The following ZNF148 variants were observed in gnomAD, a reference collection of about 807,000 sequenced individuals.
ZNF148 encodes the protein Beta-Enolase Repressor Factor-1.
Under a neutral mutation model 67.7 loss-of-function variants are expected in ZNF148, and 7 were observed. The ratio of observed to expected loss-of-function variants is 0.10; its 90% CI spans 0.06 to 0.19. ZNF148 has a LOEUF of 0.19. Among genes scored for constraint, ZNF148 ranks in the 10% least tolerant of loss-of-function variants. The pLI is 1.00. For missense variants in ZNF148, 583 were observed against 947.1 expected (o/e 0.62, Z 5.05); for synonymous variants, 333 against 330.7 (o/e 1.01, Z -0.08).
chr3:125,248,854 A>G (rs945487778), intron 7 of ZNF148, among the ~76,000 whole-genome samples: 1 of 152,204 alleles, frequency 6.6e-6, no homozygotes, highest in Admixed American at 6.5e-5. Flanking sequence ...TCTAAAAAGA[A>G]TAAACAAGCA....
intron 7 of ZNF148, among the ~76,000 whole-genome samples, chr3:125,255,679 T>C (rs1188663028): frequency 6.6e-6 from 1 of 152,146 alleles, no homozygotes; most frequent in Non-Finnish European, 1.5e-5. Flanking sequence ...CATTTTAATT[T>C]TACCTTCGTT....
chr3:125,244,999 A>G (rs1279434891), intron 7 of ZNF148, among the ~76,000 whole-genome samples: 1 of 152,082 alleles, frequency 6.6e-6, no homozygotes, highest in Non-Finnish European at 1.5e-5. Flanking sequence ...CTTTCTGCTT[A>G]TCTCATTCTA....
chr3:125,297,246 T>C (rs1173075647), intron 4 of ZNF148, among the ~76,000 whole-genome samples: 3 of 152,038 alleles, frequency 2.0e-5, no homozygotes, highest in Non-Finnish European at 4.4e-5. Flanking sequence ...ACCAGAACTA[T>C]CAACTAAATC....
intron 4 of ZNF148, among the ~76,000 whole-genome samples, chr3:125,296,950 C>CAGT (rs894458087): frequency 2.6e-5 from 4 of 150,968 alleles, no homozygotes; most frequent in Admixed American, 6.6e-5. Flanking sequence ...CAACTACCTA[C>CAGT]ATAGAAAAAA....
chr3:125,293,104 T>C (rs1017721460), intron 4 of ZNF148, among the ~76,000 whole-genome samples: 20 of 152,220 alleles, frequency 1.3e-4, no homozygotes, highest in African/African-American at 4.8e-4. Flanking sequence ...AAACTTTAAA[T>C]TTCTCAGCTT....
In ZNF148 at chr3:125,229,027, C is replaced by G. The variant is rs1935745244; in HGVS notation, c.*3314G>C. ...GCAAAACAACTGGAAAATTATTTCC[C>G]TGAAATAAAGCAATTTGAAACGGAA... On this transcript the variant is annotated 3_prime_UTR_variant, in exon 9 of 9. Coordinates refer to ENST00000360647, the MANE Select transcript of ZNF148 (RefSeq NM_021964.3). 1 of 152,226 alleles carries G rather than the reference C, an allele frequency of 6.6e-6. No homozygotes were observed. The highest frequency in any genetic ancestry group is 2.4e-5 in the African/African-American group (1 of 41,308). 9.4% of individuals were successfully genotyped at this position (152,226 alleles called of 1,614,324 possible).
intron 7 of ZNF148, among the ~76,000 whole-genome samples, chr3:125,249,931 A>C (rs1194074448): frequency 6.6e-6 from 1 of 152,192 alleles, no homozygotes; most frequent in Non-Finnish European, 1.5e-5. Context: ...ACACAGAGAG[A>C]CAAACATGCA....
chr3:125,350,809 G>A (rs1211070516), intron 1 of ZNF148, among the ~76,000 whole-genome samples: 1 of 152,130 alleles, frequency 6.6e-6, no homozygotes, highest in Non-Finnish European at 1.5e-5. Context: ...GCCTCCGACT[G>A]GCAGCAGTCC....
chr3:125,294,353 G>GT (rs1939175681), intron 4 of ZNF148, among the ~76,000 whole-genome samples: 3 of 152,266 alleles, frequency 2.0e-5, no homozygotes, highest in African/African-American at 7.2e-5. Context: ...AAGGTCTGTA[G>GT]TTTAATACTA....
chr3:125,346,819 G>A (rs1301042675), intron 1 of ZNF148, among the ~76,000 whole-genome samples: 1 of 152,102 alleles, frequency 6.6e-6, no homozygotes, highest in Non-Finnish European at 1.5e-5. Context: ...ATAGCAGTGT[G>A]AGAATGAACT....
intron 7 of ZNF148, among the ~76,000 whole-genome samples, chr3:125,265,709 A>G (rs899971029): frequency 6.6e-6 from 1 of 152,200 alleles, no homozygotes; most frequent in African/African-American, 2.4e-5. Context: ...AGAGAGATGA[A>G]GTGGGAAAGA....
At chr3:125,347,804 A>G (rs1370337860) in intron 1 of ZNF148, among the ~76,000 whole-genome samples, 1 of 152,156 alleles carries the variant, frequency 6.6e-6, no homozygotes. Flanking sequence ...AGCTGAGACT[A>G]CAGGAGTGTG....
intron 3 of ZNF148, among the ~76,000 whole-genome samples, chr3:125,316,656 T>G (rs1403765158): frequency 1.3e-5 from 2 of 152,206 alleles, no homozygotes; most frequent in East Asian, 3.8e-4. Context: ...TTTTGAGAAA[T>G]GTCTATTGAA....
At chr3:125,340,761 C>T (rs1014963097) in intron 1 of ZNF148, among the ~76,000 whole-genome samples, 7 of 151,652 alleles carry the variant, frequency 4.6e-5, no homozygotes, top group Admixed American at 3.9e-4. Context: ...CCGAGGCGGG[C>T]GGATCACGAG....
intron 1 of ZNF148, among the ~76,000 whole-genome samples, chr3:125,341,399 A>G (rs1372358384): frequency 6.6e-6 from 1 of 151,930 alleles, no homozygotes; most frequent in African/African-American, 2.4e-5. Context: ...CAGGAGGATC[A>G]CTTCTGCTCA....
chr3:125,346,823 A>G (rs1941961805), intron 1 of ZNF148, among the ~76,000 whole-genome samples: 1 of 152,132 alleles, frequency 6.6e-6, no homozygotes, highest in Admixed American at 6.5e-5. Context: ...CAGTGTGAGA[A>G]TGAACTAATC....
At chr3:125,333,565 C>T (rs763391203) in intron 1 of ZNF148, among the ~76,000 whole-genome samples, 2 of 152,094 alleles carry the variant, frequency 1.3e-5, no homozygotes, top group South Asian at 2.1e-4. Flanking sequence ...AAGATGGAAA[C>T]GGAAACCATG....
chr3:125,281,362 AAT>A (rs770460860), intron 5 of ZNF148, among the ~76,000 whole-genome samples: 2 of 152,240 alleles, frequency 1.3e-5, no homozygotes, highest in African/African-American at 2.4e-5. Flanking sequence ...AATCTTTTAA[AAT>A]ATGACTCAAA....
At chr3:125,354,411 T>G (rs1942268651) in intron 1 of ZNF148, among the ~76,000 whole-genome samples, 1 of 152,200 alleles carries the variant, frequency 6.6e-6, no homozygotes, top group African/African-American at 2.4e-5. Flanking sequence ...GTTGCCCAAT[T>G]CTTTAAAAAA....
Sources: allele counts gnomAD v4.1 joint callset (sites outside exome capture counted in the v4.1 genomes callset), GRCh38; gene constraint gnomAD v4.1.1; transcripts MANE v1.5; gene names NCBI Gene and HGNC (gene_info 2026-07-23, HGNC 2026-07-21).